The following TMEM11 variants were observed in gnomAD, a reference collection of about 807,000 sequenced individuals.
The protein encoded by TMEM11 is transmembrane protein 11.
A neutral mutation model predicts 17.0 loss-of-function variants in TMEM11; 1 was observed. The ratio of observed to expected loss-of-function variants is 0.06; its 90% confidence interval spans 0.02 to 0.28. TMEM11 has a LOEUF of 0.28. TMEM11 is among the 10% of genes least tolerant of loss of function. The pLI, the probability that TMEM11 is intolerant of heterozygous loss-of-function variation, is 1.00. For synonymous variants in TMEM11, 122 were observed against 118.1 expected, an observed-to-expected ratio of 1.03 and a Z score of -0.21; for missense variants, 172 against 252.9, an observed-to-expected ratio of 0.68 and a Z score of 2.17.
intron 1 of TMEM11, among the ~76,000 whole-genome samples, chr17:21,211,824 G>A (rs1051833313): frequency 1.3e-5 from 2 of 152,218 alleles, no homozygotes; most frequent in South Asian, 2.1e-4. Flanking sequence ...GAGAGCACTC[G>A]TATAACATGG....
At chr17:21,202,470 T>G (rs568864566) in intron 1 of TMEM11, among the ~76,000 whole-genome samples, 1 of 152,282 alleles carries the variant, frequency 6.6e-6, no homozygotes, top group Non-Finnish European at 1.5e-5. Context: ...TGAAAACCAC[T>G]GTTGGTCCCA....
intron 1 of TMEM11, among the ~76,000 whole-genome samples, chr17:21,211,615 C>T (rs981763575): frequency 6.6e-6 from 1 of 152,212 alleles, no homozygotes; most frequent in African/African-American, 2.4e-5. Context: ...CAACACACAG[C>T]GCCGGCAGTA....
chr17:21,209,122 G>A (rs929942434), intron 1 of TMEM11, among the ~76,000 whole-genome samples: 13 of 152,262 alleles, frequency 8.5e-5, no homozygotes, highest in African/African-American at 2.9e-4. Flanking sequence ...CACAGGCCAA[G>A]GAACTTTCAC....
chr17:21,211,196 T>C, intron 1 of TMEM11: 1 of 1,289,886 alleles, frequency 7.8e-7, no homozygotes. Context: ...GCTCAGAGTC[T>C]GATGTTCTTC....
Position 21,213,624 on chromosome 17 carries a change from T to C in TMEM11, c.62+467A>G, listed in dbSNP as rs375947146. The C allele has an allele frequency of 4.1e-3, 666 of 162,688 alleles. 6 individuals carry two copies. The highest frequency in any genetic ancestry group is 0.015 in the African/African-American group (640 of 41,732). The allele number at this position is 162,688 out of a possible 1,614,324, so 10.1% of individuals were successfully genotyped here. A position where few individuals can be genotyped will look rare whatever the true frequency, so the allele number is the denominator to read the frequency against. On this transcript the variant is annotated intron_variant, in intron 1 of 1. Coordinates refer to ENST00000317635, the MANE Select transcript of TMEM11 (RefSeq NM_003876.3). ...GTAAACGTGCAGATCAAACTACCCC[T>C]GCCGCGGCCGGCCTGCTCTGTGAAG...
intron 1 of TMEM11, among the ~76,000 whole-genome samples, chr17:21,205,368 G>C (rs541659261): frequency 1.3e-5 from 2 of 152,126 alleles, no homozygotes; most frequent in African/African-American, 4.8e-5. Context: ...ACATTCTAAG[G>C]CGGCAGAGCT....
At chr17:21,211,127 A>C (rs1457182908) in intron 1 of TMEM11, 1 of 1,289,864 alleles carries the variant, frequency 7.8e-7, no homozygotes, top group African/African-American at 1.5e-5. Context: ...GACAAGTGGC[A>C]ATCTGTTTGA....
rs192923299 is a variant in TMEM11 at position 21,205,702 on chromosome 17, C to G, written c.63-6862G>C. Among the ~76,000 whole-genome samples, 596 of 152,152 alleles carry G rather than the reference C, an allele frequency of 3.9e-3. 6 individuals are homozygous for G. Among genetic ancestry groups the G allele is most frequent in the Middle Eastern group, 0.038 (11 of 292 alleles). ...AACTCTACCCATGAAATGATCCCCC[C>G]ATTCCCCACCAACCCCAAGCCCCTG... On this transcript the variant is annotated intron_variant, in intron 1 of 1. Coordinates refer to ENST00000317635, the MANE Select transcript of TMEM11 (RefSeq NM_003876.3).
At chr17:21,211,345 G>A (rs1397921177) in intron 1 of TMEM11, 3 of 737,284 alleles carry the variant, frequency 4.1e-6, no homozygotes, top group African/African-American at 1.8e-5. Context: ...CTGCAGTGAT[G>A]GAAATGTCCT....
chr17:21,209,947 C>A (rs1467335943), intron 1 of TMEM11, among the ~76,000 whole-genome samples: 1 of 152,156 alleles, frequency 6.6e-6, no homozygotes, highest in African/African-American at 2.4e-5. Context: ...GAGAACTGTG[C>A]CCATAAAGTG....
At chr17:21,212,140 G>T (rs985031222) in intron 1 of TMEM11, among the ~76,000 whole-genome samples, 2 of 152,150 alleles carry the variant, frequency 1.3e-5, no homozygotes, top group East Asian at 1.9e-4. Context: ...CCTGGCTAGG[G>T]GTTTACAGCA....
chr17:21,200,836 T>A (rs769336763), intron 1 of TMEM11, among the ~76,000 whole-genome samples: 2 of 151,060 alleles, frequency 1.3e-5, no homozygotes, highest in Non-Finnish European at 3.0e-5. Context: ...CAGAGGAGAG[T>A]CATGGGGAGC....
chr17:21,212,968 A>G (rs972302428), intron 1 of TMEM11, among the ~76,000 whole-genome samples: 5 of 152,248 alleles, frequency 3.3e-5, no homozygotes, highest in African/African-American at 9.6e-5. Context: ...TAACTGGGCT[A>G]AAGAATAAAG....
chr17:21,203,572 TGC>T (rs1974906932), intron 1 of TMEM11, among the ~76,000 whole-genome samples: 1 of 152,012 alleles, frequency 6.6e-6, no homozygotes, highest in Non-Finnish European at 1.5e-5. Flanking sequence ...CCAGGCGCGG[TGC>T]TGCACACCTG....
intron 1 of TMEM11, among the ~76,000 whole-genome samples, chr17:21,207,249 G>A (rs1030471920): frequency 6.6e-6 from 1 of 152,132 alleles, no homozygotes; most frequent in African/African-American, 2.4e-5. Flanking sequence ...CTAAGATAAG[G>A]CTGGGCATGG....
chr17:21,207,277 C>A lies in TMEM11; in HGVS notation c.62+6814G>T, dbSNP rs770765483. Among the ~76,000 whole-genome samples, 4 of 152,088 alleles carry A rather than the reference C, an allele frequency of 2.6e-5. 1 individual carries two copies. The highest frequency in any genetic ancestry group is 6.6e-5 in the Admixed American group (1 of 15,258). On this transcript the variant is annotated intron_variant, in intron 1 of 1. Transcript: ENST00000317635. ...GGGCATGGTGGCTCACGCCTGTAAT[C>A]CCAGCACTTTGGGAGGCTGAGGTGG...
chr17:21,214,010 T>G, intron 1 of TMEM11, 81 bp downstream of exon 1: 1 of 1,342,352 alleles, frequency 7.4e-7, no homozygotes, highest in South Asian at 1.3e-5. Context: ...GAAGGAAGGC[T>G]GCTGCAGCCC....
intron 1 of TMEM11, among the ~76,000 whole-genome samples, chr17:21,212,079 T>C (rs1276320993): frequency 3.9e-5 from 6 of 152,226 alleles, no homozygotes; most frequent in Non-Finnish European, 8.8e-5. Flanking sequence ...CTGCTCAGCA[T>C]GGGAAGAGCT....
intron 1 of TMEM11, 158 bp downstream of exon 1, chr17:21,213,933 T>C (rs1218790077): frequency 1.3e-5 from 9 of 701,908 alleles, no homozygotes; most frequent in Non-Finnish European, 2.1e-5. Context: ...CCCACCCGGA[T>C]CCCGGATCCT....
Sources: gnomAD v4.1 joint callset for allele counts (sites outside exome capture counted in the v4.1 genomes callset) on GRCh38, gnomAD v4.1.1 for gene constraint, MANE v1.5 for transcripts, NCBI Gene and HGNC (gene_info 2026-07-23, HGNC 2026-07-21) for gene names.